The following SBNO2 variants were observed in gnomAD, a reference collection of about 807,000 sequenced individuals.
The protein encoded by SBNO2 is protein strawberry notch homolog 2.
SBNO2 carries 89 observed loss-of-function variants against 146.3 expected under a neutral mutation model. The ratio of observed to expected loss-of-function variants is 0.61; its 90% CI spans 0.51 to 0.73. The LOEUF (loss-of-function observed/expected upper bound fraction) is 0.73. Ranked by LOEUF, SBNO2 falls within the 30% of genes least tolerant of loss-of-function variation. The pLI, the probability that SBNO2 is intolerant of heterozygous loss-of-function variation, is 0.00. For synonymous variants in SBNO2, 1,147 were observed against 892.6 expected (o/e 1.29, Z -5.08); for missense variants, 2,092 against 2,003.7 (o/e 1.04, Z -0.84).
rs780968413 is a variant in SBNO2 at position 1,123,643 on chromosome 19, C to T, written c.523-4G>A. The T allele has an allele frequency of 1.3e-5, 21 of 1,609,074 alleles. 1 individual carries two copies. In the South Asian group the frequency reaches 1.4e-4, roughly 11 times the overall value. ...GCTGGCTCTGCACACTCTGCTCCTG[C>T]GTGCGTGGCGGGAGCTCAGCGGAGA... On this transcript the variant is annotated splice_polypyrimidine_tract_variant and splice_region_variant and intron_variant, in intron 6 of 31. Transcript: ENST00000361757.
chr19:1,165,458 G>A (rs1240343555), intron 1 of SBNO2, among the ~76,000 whole-genome samples: 1 of 152,164 alleles, frequency 6.6e-6, no homozygotes, highest in African/African-American at 2.4e-5. Flanking sequence ...CAGAGTCAGA[G>A]CCAAGTGGAG....
Position 1,107,996 on chromosome 19 carries a change from G to A in SBNO2, c.*224C>T, listed in dbSNP as rs1178842180. Reference sequence around the variant, plus strand: ...CCCGGAGCCCCTTCCTACTTGGGAGGAGAGGCACAGAGAGGGCCCTGCCAC... The same window carrying A: ...CCCGGAGCCCCTTCCTACTTGGGAGAAGAGGCACAGAGAGGGCCCTGCCAC... On this transcript the variant is annotated 3_prime_UTR_variant, in exon 32 of 32. Coordinates refer to ENST00000361757, the MANE Select transcript of SBNO2 (RefSeq NM_014963.3). 4 of 349,302 alleles carry A rather than the reference G, an allele frequency of 1.1e-5. No individual in the cohort carries two copies. The highest frequency in any genetic ancestry group is 6.6e-5 in the African/African-American group (3 of 45,228). The allele number at this position is 349,302 out of a possible 1,614,324, so 21.6% of individuals were successfully genotyped here.
chr19:1,119,481 CG>C, intron 13 of SBNO2, 34 bp downstream of exon 13: 1 of 1,433,244 alleles, frequency 7.0e-7, no homozygotes, highest in Non-Finnish European at 9.6e-7. Context: ...CCCCACCCCC[CG>C]CCGCCCCTCC....
At chr19:1,149,863 G>T (rs1187888176) in intron 2 of SBNO2, among the ~76,000 whole-genome samples, 1 of 152,232 alleles carries the variant, frequency 6.6e-6, no homozygotes, top group Non-Finnish European at 1.5e-5. Context: ...CCCGCTGCCT[G>T]TGGTGGAGGG....
rs778909029 is a variant in SBNO2 at position 1,147,431 on chromosome 19, A to ACGGAGG, written c.168-12_168-11insCCTCCG. The ACGGAGG allele has an allele frequency of 1.7e-6, 1 of 591,006 alleles. No individual in the cohort carries two copies. The highest frequency in any genetic ancestry group is 2.6e-6 in the Non-Finnish European group (1 of 381,558). 36.6% of individuals were successfully genotyped at this position (591,006 alleles called of 1,614,324 possible). A position where few individuals can be genotyped will look rare whatever the true frequency, so the allele number is the denominator to read the frequency against. The stretch of plus-strand genomic sequence containing the variant: ...GAGCTCATGAACGGGCTGGAGGGAG[A>ACGGAGG]TGGGGGGGGGGGAGGTGAGATGGGG... On this transcript the variant is annotated splice_polypyrimidine_tract_variant and intron_variant, in intron 3 of 31. Transcript: ENST00000361757.
chr19:1,108,858 G>A lies in SBNO2; in HGVS notation c.3537C>T (p.Ala1179=), dbSNP rs1051667295. Residue 1179 remains alanine, a synonymous_variant, in exon 31 of 32, where the codon GCC becomes GCT. Coordinates refer to ENST00000361757, the MANE Select transcript of SBNO2 (RefSeq NM_014963.3). ...TGCTGCTGACGTCGGCCATGACGGCGGCGATGCGGCCCCACACGCGCAGCA... is the reference window on the plus strand; with the variant it reads ...TGCTGCTGACGTCGGCCATGACGGCAGCGATGCGGCCCCACACGCGCAGCA... ...GALLRVWGRI[A]AVMADVSSSS... 6 of 1,596,008 alleles carry A rather than the reference G, an allele frequency of 3.8e-6. No homozygotes were observed. Among genetic ancestry groups the A allele is most frequent in the Admixed American group, 3.4e-5 (2 of 59,360 alleles).
At chr19:1,162,337 G>A (rs1218030636) in intron 1 of SBNO2, among the ~76,000 whole-genome samples, 2 of 149,638 alleles carry the variant, frequency 1.3e-5, no homozygotes, top group Non-Finnish European at 1.5e-5. Flanking sequence ...GCGGGTGCCT[G>A]TAGTCCCAGC....
At position 1,157,955 on chromosome 19, in the gene SBNO2, C is replaced by T. The variant is rs1409745993; in HGVS notation, c.-126-3553G>A. Among the ~76,000 whole-genome samples the T allele has an allele frequency of 6.6e-6, 1 of 151,926 alleles. No individual in the cohort carries two copies. The highest frequency in any genetic ancestry group is 1.9e-4 in the East Asian group (1 of 5,188). The stretch of plus-strand genomic sequence containing the variant: ...CTCCTGAGTCCGGATAACTGTCCGC[C>T]TCCCAGCTCTCTCCTGAGTCCGGAT... On this transcript the variant is annotated intron_variant, in intron 1 of 31. Coordinates refer to ENST00000361757, the MANE Select transcript of SBNO2 (RefSeq NM_014963.3). This position sits in a 1 kb window ranked among gnomAD's most constrained non-coding sequence, Gnocchi z 6.8.
rs766814893 is a variant in SBNO2, at chr19:1,116,099, C to T, written c.1807G>A (p.Val603Met). 8.7e-6 allele frequency: 14 copies of T among 1,608,212 alleles called. No individual in the cohort carries two copies. Among genetic ancestry groups the T allele is most frequent in the South Asian group, 3.3e-5 (3 of 90,838 alleles). Residue 603 changes from valine (V) to methionine (M), a missense_variant, in exon 17 of 32, where the codon GTG becomes ATG. By Grantham distance (21) the Val-to-Met change is conservative. Transcript: ENST00000361757. ...TGCTTCTGAATTAGCGACAGGAACA[C>T]GCCTCTGAAAGTGAGACGCGGAGTT... ...LNCFVSAAEG[V>M]FLSLIQKHFP...
At position 1,122,498 on chromosome 19, in the gene SBNO2, G is replaced by A. The variant is rs968878318; in HGVS notation, c.975C>T (p.Ala325=). 2.5e-6 allele frequency: 4 copies of A among 1,572,776 alleles called. No homozygotes were observed. The highest frequency in any genetic ancestry group is 3.4e-6 in the Non-Finnish European group (4 of 1,161,344). The change falls in exon 10 of 32, where the codon GCC becomes GCT. Residue 325 remains alanine, a synonymous_variant. Coordinates refer to ENST00000361757, the MANE Select transcript of SBNO2 (RefSeq NM_014963.3). ...TGAGCGCGTGCACCGCGATGCCCGTGGCTTCGATGTCCCGCAGGTCGCGCT... is the reference window on the plus strand; with the variant it reads ...TGAGCGCGTGCACCGCGATGCCCGTAGCTTCGATGTCCCGCAGGTCGCGCT... The part of the protein sequence containing the change: ...DAERDLRDIE[A]TGIAVHALSK...
intron 1 of SBNO2, among the ~76,000 whole-genome samples, chr19:1,166,669 T>C (rs1273145408): frequency 2.6e-5 from 4 of 151,614 alleles, no homozygotes; most frequent in Admixed American, 2.0e-4. Context: ...CCACACACGC[T>C]AAAAACCTTT....
Position 1,112,022 on chromosome 19 carries a change from G to A in SBNO2, c.2674C>T (p.Leu892Phe), listed in dbSNP as rs754614111. The change falls in exon 23 of 32, where the codon CTC (leucine) becomes TTC (phenylalanine). Residue 892 changes from leucine (L) to phenylalanine (F), a missense_variant. By Grantham distance (22) the Leu-to-Phe change is conservative. Coordinates refer to ENST00000361757, the MANE Select transcript of SBNO2 (RefSeq NM_014963.3). This position sits in a 1 kb window ranked among gnomAD's most constrained non-coding sequence, Gnocchi z 5.9. Reference sequence around the variant, plus strand: ...TTGTTCTCAAAGTTGTACTTGCTGAGGTCACGGGACTCCGTGGCGCGGCGG... The same window carrying A: ...TTGTTCTCAAAGTTGTACTTGCTGAAGTCACGGGACTCCGTGGCGCGGCGG... The part of the protein sequence containing the change: ...GDRRATESRD[L>F]SKYNFENKYG... 2.5e-6 allele frequency: 4 copies of A among 1,612,256 alleles called. No individual in the cohort carries two copies. The highest frequency in any genetic ancestry group is 2.2e-5 in the East Asian group (1 of 44,882).
In SBNO2 at chr19:1,117,297, A is replaced by C. The variant is rs1186264563; in HGVS notation, c.1704+26T>G. ...CGCCCCTGCAGGCCCGGCCGCCCTC[A>C]GCCCTCGAAGGCCGCAGCCGCTCAC... On this transcript the variant is annotated intron_variant, in intron 15 of 31. Transcript: ENST00000361757. 4 of 1,545,040 alleles carry C rather than the reference A, an allele frequency of 2.6e-6. No individual in the cohort carries two copies. The South Asian group carries it at 4.8e-5, about 19-fold the overall frequency.
intron 11 of SBNO2, among the ~76,000 whole-genome samples, chr19:1,121,117 C>T (rs2079895925): frequency 6.6e-6 from 1 of 151,926 alleles, no homozygotes; most frequent in African/African-American, 2.4e-5. Flanking sequence ...TCTCGAACTC[C>T]TGACCTCGTG....
At position 1,157,781 on chromosome 19, in the gene SBNO2, G is replaced by A. The variant is rs2080305734; in HGVS notation, c.-126-3379C>T. The stretch of plus-strand genomic sequence containing the variant: ...AGGACCAAGATCCGGGAGAATCCGA[G>A]GAACCGGGTAACTGTGTCCGCCTCC... On this transcript the variant is annotated intron_variant, in intron 1 of 31. Coordinates refer to ENST00000361757, the MANE Select transcript of SBNO2 (RefSeq NM_014963.3). This position sits in a 1 kb window ranked among gnomAD's most constrained non-coding sequence, Gnocchi z 6.8. 6.6e-6 allele frequency among the ~76,000 whole-genome samples: 1 copy of A among 152,140 alleles called. No individual in the cohort carries two copies. The highest frequency in any genetic ancestry group is 2.1e-4 in the South Asian group (1 of 4,830).
intron 4 of SBNO2, among the ~76,000 whole-genome samples, chr19:1,147,015 C>T (rs1215941124): frequency 6.6e-6 from 1 of 152,158 alleles, no homozygotes; most frequent in African/African-American, 2.4e-5. Flanking sequence ...GGGCATCTCT[C>T]CCAGCACCGC....
At chr19:1,171,085 C>T (rs1038530884) in intron 1 of SBNO2, among the ~76,000 whole-genome samples, 3 of 151,786 alleles carry the variant, frequency 2.0e-5, no homozygotes, top group East Asian at 1.9e-4. Context: ...AACACAAACA[C>T]GGGTGCACAG....
At position 1,114,273 on chromosome 19, in the gene SBNO2, C is replaced by G. The variant is rs746467821; in HGVS notation, c.2035G>C (p.Val679Leu). The G allele has an allele frequency of 1.5e-5, 23 of 1,546,610 alleles. No homozygotes were observed. Among genetic ancestry groups the G allele is most frequent in the Non-Finnish European group, 1.9e-5 (22 of 1,144,856 alleles). Residue 679 changes from valine (V) to leucine (L), a missense_variant, in exon 18 of 32, where the codon GTT becomes CTT. Physicochemically the swap from Val to Leu is conservative, Grantham distance 32. Coordinates refer to ENST00000361757, the MANE Select transcript of SBNO2 (RefSeq NM_014963.3). ...AGCCCGACTGCATCAACGATGACAA[C>G]GTCGTCATCCACCAGGGACTCGGGG... ...SSPESLVDDD[V>L]VIVDAVGLPS...
At chr19:1,127,807 C>T in intron 4 of SBNO2, 42 bp from the exon 5 acceptor site, 6 of 1,590,444 alleles carry the variant, frequency 3.8e-6, no homozygotes, top group Non-Finnish European at 5.2e-6. Flanking sequence ...GTACGGGAGA[C>T]ACCAAGGCCC....
Sources: gnomAD v4.1 joint callset for allele counts (sites outside exome capture counted in the v4.1 genomes callset) on GRCh38, gnomAD v4.1.1 for gene constraint, Gnocchi (gnomAD v3.1) non-coding constraint, MANE v1.5 for transcripts, NCBI Gene and HGNC (gene_info 2026-07-23, HGNC 2026-07-21) for gene names.